DDX50: variants seen among roughly 807,000 people sequenced by gnomAD.
DDX50 encodes the protein ATP-dependent RNA helicase DDX50.
A neutral mutation model predicts 94.8 loss-of-function variants in DDX50; 56 were observed. The ratio of observed to expected loss-of-function variants is 0.59; its 90% confidence interval spans 0.48 to 0.74. DDX50 has a LOEUF of 0.74. DDX50 is among the 30% of genes least tolerant of loss of function. The pLI is 0.00. For missense variants in DDX50, 713 were observed against 881.2 expected (o/e 0.81, Z 2.42); for synonymous variants, 264 against 295.4 (o/e 0.89, Z 1.09).
intron 13 of DDX50, among the ~76,000 whole-genome samples, chr10:68,941,671 C>G (rs984667961): frequency 6.6e-6 from 1 of 151,560 alleles, no homozygotes; most frequent in East Asian, 2.0e-4. Flanking sequence ...CAGAGTTTCA[C>G]TCTTGTCGCC....
intron 7 of DDX50, 99 bp downstream of exon 7, chr10:68,914,303 C>A: frequency 2.3e-6 from 3 of 1,290,548 alleles, no homozygotes; most frequent in South Asian, 1.3e-5. Flanking sequence ...CTCTTCATGC[C>A]TAATCTTCCT....
chr10:68,913,297 A>G lies in DDX50; in HGVS notation c.757+18A>G. On this transcript the variant is annotated intron_variant, in intron 5 of 14. Coordinates refer to ENST00000373585, the MANE Select transcript of DDX50 (RefSeq NM_024045.2). ...AAGCCAAAGTGAGTAAATATGTTTG[A>G]TAGACGTGCAAAGGCATATTTGATA... 1 of 1,607,094 alleles carries G rather than the reference A, an allele frequency of 6.2e-7. No homozygotes were observed. Among genetic ancestry groups the G allele is most frequent in the South Asian group, 1.1e-5 (1 of 89,198 alleles).
chr10:68,908,892 C>T (rs190077626), intron 2 of DDX50, among the ~76,000 whole-genome samples: 3 of 152,220 alleles, frequency 2.0e-5, no homozygotes, highest in East Asian at 1.9e-4. Context: ...GTAATCCACC[C>T]ACCTTGGCCT....
intron 7 of DDX50, among the ~76,000 whole-genome samples, chr10:68,915,422 TAAAAG>T (rs1306074756): frequency 2.5e-5 from 3 of 120,944 alleles, no homozygotes; most frequent in Non-Finnish European, 5.2e-5. Context: ...CAAAAAAAAA[TAAAAG>T]AAAAAAAAGG....
intron 12 of DDX50, among the ~76,000 whole-genome samples, chr10:68,938,658 T>TG (rs1214961581): frequency 1.3e-5 from 2 of 152,188 alleles, no homozygotes; most frequent in African/African-American, 4.8e-5. Context: ...TGAATGCTGC[T>TG]GGGGTATCTG....
chr10:68,906,782 A>C lies in DDX50; in HGVS notation c.159A>C (p.Thr53=), dbSNP rs1047615682. Residue 53 remains threonine (T), a synonymous_variant, in exon 2 of 15, where the codon ACA becomes ACC. Coordinates refer to ENST00000373585, the MANE Select transcript of DDX50 (RefSeq NM_024045.2). ...EKSETRENGV[T]DDLDAPKAKK... ...CAGAAACAAGAGAAAATGGTGTTAC[A>C]GATGACCTGGATGCTCCCAAGGCCA... The C allele has an allele frequency of 6.2e-7, 1 of 1,613,490 alleles. No individual in the cohort carries two copies. The highest frequency in any genetic ancestry group is 1.3e-5 in the African/African-American group (1 of 75,008).
In DDX50 at chr10:68,946,825, C is replaced by T; in HGVS notation, c.*195C>T. 1 of 659,562 alleles carries T rather than the reference C, an allele frequency of 1.5e-6. No homozygotes were observed. The highest frequency in any genetic ancestry group is 1.8e-5 in the African/African-American group (1 of 54,690). The allele number at this position is 659,562 out of a possible 1,614,324, so 40.9% of individuals were successfully genotyped here. ...CCAGTTATACCTTTGAATAAAAAAA[C>T]CTCCTTTTATTGTCTCTTTTCACTT... On this transcript the variant is annotated 3_prime_UTR_variant, in exon 15 of 15. Transcript: ENST00000373585.
At chr10:68,905,845 G>C (rs533449288) in intron 1 of DDX50, among the ~76,000 whole-genome samples, 1 of 152,146 alleles carries the variant, frequency 6.6e-6, no homozygotes, top group Non-Finnish European at 1.5e-5. Context: ...CCCGGGAGGC[G>C]GAGGCTGTAG....
intron 8 of DDX50, among the ~76,000 whole-genome samples, chr10:68,931,541 A>G (rs1429805202): frequency 6.7e-6 from 1 of 149,786 alleles, no homozygotes; most frequent in Non-Finnish European, 1.5e-5. Flanking sequence ...CCCGGTTTCC[A>G]GTGATTCTCC....
intron 7 of DDX50, among the ~76,000 whole-genome samples, chr10:68,914,951 G>T (rs1841739317): frequency 6.6e-6 from 1 of 151,406 alleles, no homozygotes; most frequent in South Asian, 2.1e-4. Flanking sequence ...AACCCAGGAG[G>T]TGGAGGTTGC....
chr10:68,916,560 G>T lies in DDX50; in HGVS notation c.1089+2356G>T, dbSNP rs532872739. Among the ~76,000 whole-genome samples, 17 of 152,142 alleles carry T rather than the reference G, an allele frequency of 1.1e-4. No homozygotes were observed. In the East Asian group the frequency reaches 2.9e-3, roughly 26 times the overall value. On this transcript the variant is annotated intron_variant, in intron 7 of 14. Coordinates refer to ENST00000373585, the MANE Select transcript of DDX50 (RefSeq NM_024045.2). ...TTACCTATTACCAGTCTTTAACAAT[G>T]ATCTTTTCTTCACCCCTGCATTTGA...
chr10:68,915,528 C>T (rs1475872227), intron 7 of DDX50, among the ~76,000 whole-genome samples: 1 of 152,000 alleles, frequency 6.6e-6, no homozygotes, highest in Non-Finnish European at 1.5e-5. Context: ...CCATCCTGGC[C>T]AACATGGCGA....
chr10:68,911,173 T>A lies in DDX50; in HGVS notation c.566T>A (p.Phe189Tyr). The change falls in exon 4 of 15, where the codon TTC becomes TAC. Residue 189 changes from phenylalanine (F) to tyrosine (Y), a missense_variant. Coordinates refer to ENST00000373585, the MANE Select transcript of DDX50 (RefSeq NM_024045.2). ...AQARTGTGKT[F>Y]SFAIPLIERL... Reference sequence around the variant, plus strand: ...GCACGGACAGGAACAGGAAAGACATTCTCTTTTGCCATCCCCTTAATTGAA... The same window carrying A: ...GCACGGACAGGAACAGGAAAGACATACTCTTTTGCCATCCCCTTAATTGAA... 6.2e-7 allele frequency: 1 copy of A among 1,612,730 alleles called. No individual in the cohort carries two copies. Among genetic ancestry groups the A allele is most frequent in the Non-Finnish European group, 8.5e-7 (1 of 1,179,464 alleles).
At chr10:68,901,530 A>G in intron 1 of DDX50, 59 bp downstream of exon 1, 1 of 1,515,854 alleles carries the variant, frequency 6.6e-7, no homozygotes, top group Non-Finnish European at 8.9e-7. Context: ...CGGGGAGGGG[A>G]ACTGTCTGTC....
At chr10:68,920,082 C>A in intron 8 of DDX50, 101 bp downstream of exon 8, 1 of 1,440,846 alleles carries the variant, frequency 6.9e-7, no homozygotes, top group South Asian at 1.3e-5. Context: ...TAGTCATTCT[C>A]AAAACTGAGT....
intron 14 of DDX50, among the ~76,000 whole-genome samples, chr10:68,944,677 G>C (rs527927608): frequency 1.3e-5 from 2 of 152,158 alleles, no homozygotes. Flanking sequence ...CTCCCGAGTA[G>C]CTGGGACTAC....
intron 7 of DDX50, among the ~76,000 whole-genome samples, chr10:68,918,122 A>G (rs1380092552): frequency 6.6e-6 from 1 of 151,360 alleles, no homozygotes; most frequent in African/African-American, 2.4e-5. Flanking sequence ...ATGGCGTTTC[A>G]CCACGTTGGC....
At chr10:68,938,896 T>C (rs556035488) in intron 12 of DDX50, among the ~76,000 whole-genome samples, 6 of 152,346 alleles carry the variant, frequency 3.9e-5, no homozygotes, top group South Asian at 2.1e-4. Flanking sequence ...TTTTCTGATA[T>C]TGATTTGGTG....
chr10:68,938,130 T>C (rs1317964267), intron 12 of DDX50, among the ~76,000 whole-genome samples: 1 of 152,248 alleles, frequency 6.6e-6, no homozygotes, highest in Non-Finnish European at 1.5e-5. Context: ...TAGGAAATGC[T>C]CACTTTGCAC....
Sources: allele counts gnomAD v4.1 joint callset (sites outside exome capture counted in the v4.1 genomes callset), GRCh38; gene constraint gnomAD v4.1.1; transcripts MANE v1.5; gene names NCBI Gene and HGNC (gene_info 2026-07-23, HGNC 2026-07-21).